SFXN5: variants seen among roughly 807,000 people sequenced by gnomAD.
SFXN5 encodes sideroflexin-5.
In SFXN5, 43 loss-of-function variants were observed where a neutral mutation model predicts 50.2. The ratio of observed to expected loss-of-function variants is 0.86; its 90% CI spans 0.67 to 1.11. The LOEUF (loss-of-function observed/expected upper bound fraction) is 1.11. Among genes scored for constraint, SFXN5 ranks in the 50% least tolerant of loss-of-function variants. SFXN5 has a pLI of 0.00. For synonymous variants in SFXN5, 203 were observed against 185.8 expected, an observed-to-expected ratio of 1.09 and a Z score of -0.75; for missense variants, 463 against 454.1, an observed-to-expected ratio of 1.02 and a Z score of -0.18.
At chr2:72,989,862 G>C (rs1032998673) in intron 9 of SFXN5, among the ~76,000 whole-genome samples, 11 of 152,242 alleles carry the variant, frequency 7.2e-5, no homozygotes, top group African/African-American at 2.7e-4. Context: ...GTCTTTTCTG[G>C]GAAGCGTGGG....
rs928824290 is a variant in SFXN5 at position 72,983,998 on chromosome 2, C to T, written c.625+4260G>A. Among the ~76,000 whole-genome samples the T allele has an allele frequency of 4.6e-5, 7 of 152,190 alleles. No individual in the cohort carries two copies. In the East Asian group the frequency reaches 7.7e-4, roughly 17 times the overall value. On this transcript the variant is annotated intron_variant, in intron 10 of 13. Transcript: ENST00000272433. ...TTAACTTCACCTGGCAGCAACCATA[C>T]GTCAATTAACGGAGGGCCCGCTCCG...
At chr2:72,970,638 T>C (rs945031439) in intron 11 of SFXN5, among the ~76,000 whole-genome samples, 32 of 150,780 alleles carry the variant, frequency 2.1e-4, no homozygotes, top group Non-Finnish European at 3.4e-4. Flanking sequence ...CTAACCACCA[T>C]CAGGACAAAG....
At chr2:73,031,730 G>A (rs1320267560) in intron 3 of SFXN5, among the ~76,000 whole-genome samples, 1 of 152,192 alleles carries the variant, frequency 6.6e-6, no homozygotes, top group Non-Finnish European at 1.5e-5. Flanking sequence ...TCCTAGTCAT[G>A]ATCTGATCTT....
chr2:73,017,944 C>G (rs549735472), intron 6 of SFXN5, among the ~76,000 whole-genome samples: 1 of 152,154 alleles, frequency 6.6e-6, no homozygotes, highest in South Asian at 2.1e-4. Flanking sequence ...GACAAATCTA[C>G]TGTAATCTCA....
At chr2:73,010,094 G>A (rs1675304852) in intron 6 of SFXN5, among the ~76,000 whole-genome samples, 1 of 152,116 alleles carries the variant, frequency 6.6e-6, no homozygotes, top group Admixed American at 6.5e-5. Context: ...AAGTGTTGAT[G>A]GAATATTTAT....
chr2:73,054,458 G>T (rs1327924329), intron 2 of SFXN5, among the ~76,000 whole-genome samples: 1 of 152,112 alleles, frequency 6.6e-6, no homozygotes. Context: ...CTTTCAAAAT[G>T]CAAGAGTTGA....
intron 6 of SFXN5, among the ~76,000 whole-genome samples, chr2:73,012,381 T>A (rs1675616807): frequency 6.6e-6 from 1 of 152,106 alleles, no homozygotes; most frequent in Admixed American, 6.6e-5. Flanking sequence ...AAAGAACATA[T>A]TCATGTATTA....
intron 6 of SFXN5, among the ~76,000 whole-genome samples, chr2:73,006,442 C>T (rs1187724682): frequency 2.0e-5 from 3 of 152,034 alleles, no homozygotes; most frequent in East Asian, 1.9e-4. Context: ...GCCAACGTGG[C>T]GAAACCCCAT....
chr2:72,967,132 C>T (rs1674511103), intron 12 of SFXN5: 1 of 152,208 alleles, frequency 6.6e-6, no homozygotes. Context: ...CCTTCCTCTC[C>T]TCAGCTGTAG....
At chr2:72,966,045 G>A (rs1674357520) in intron 12 of SFXN5, among the ~76,000 whole-genome samples, 1 of 152,150 alleles carries the variant, frequency 6.6e-6, no homozygotes, top group African/African-American at 2.4e-5. Flanking sequence ...GTAAGCTGAT[G>A]TCCCCCAGGG....
At chr2:72,968,775 C>CTCTT (rs1191420919) in intron 11 of SFXN5, among the ~76,000 whole-genome samples, 1 of 150,808 alleles carries the variant, frequency 6.6e-6, no homozygotes, top group Non-Finnish European at 1.5e-5. Context: ...TCTTTCCTCT[C>CTCTT]TCTTTCTTTC....
intron 12 of SFXN5, among the ~76,000 whole-genome samples, chr2:72,963,374 C>T (rs1253211854): frequency 6.6e-6 from 1 of 152,194 alleles, no homozygotes; most frequent in Admixed American, 6.5e-5. Flanking sequence ...ACCAAGGCTC[C>T]TCTCTCAGGG....
At chr2:73,030,325 G>A (rs542654946) in intron 3 of SFXN5, among the ~76,000 whole-genome samples, 51 of 151,978 alleles carry the variant, frequency 3.4e-4, no homozygotes, top group South Asian at 1.5e-3. Flanking sequence ...TTATTCTTCC[G>A]ACCAAAACCC....
At chr2:73,068,283 C>T (rs1683315139) in intron 1 of SFXN5, among the ~76,000 whole-genome samples, 1 of 152,222 alleles carries the variant, frequency 6.6e-6, no homozygotes, top group African/African-American at 2.4e-5. Flanking sequence ...TTGAAGCAGG[C>T]TTCTGTCAGG....
intron 1 of SFXN5, among the ~76,000 whole-genome samples, chr2:73,064,278 TGGGCCA>T (rs1683018944): frequency 6.6e-6 from 1 of 152,272 alleles, no homozygotes; most frequent in South Asian, 2.1e-4. Context: ...GCAGAAAGGC[TGGGCCA>T]GCCCAGTAGT....
At chr2:72,969,097 C>T (rs546272028) in intron 11 of SFXN5, among the ~76,000 whole-genome samples, 9 of 152,234 alleles carry the variant, frequency 5.9e-5, no homozygotes, top group South Asian at 2.1e-4. Flanking sequence ...TGTGAACCAC[C>T]GTGCCTGGCT....
chr2:72,990,356 C>CTG (rs1559127550), intron 9 of SFXN5, among the ~76,000 whole-genome samples: 1 of 152,160 alleles, frequency 6.6e-6, no homozygotes, highest in African/African-American at 2.4e-5. Context: ...TGGGGAGCTG[C>CTG]CGGCTCATAC....
chr2:73,059,752 A>G (rs1390881634), intron 1 of SFXN5: 1 of 979,836 alleles, frequency 1.0e-6, no homozygotes, highest in Admixed American at 6.2e-5. Context: ...TATAATCCAC[A>G]CAGCCCAGAC....
intron 6 of SFXN5, among the ~76,000 whole-genome samples, chr2:73,008,581 C>T (rs1005154699): frequency 6.6e-6 from 1 of 152,192 alleles, no homozygotes; most frequent in Non-Finnish European, 1.5e-5. Flanking sequence ...CTGCCTCTCC[C>T]AGGCCACGTG....
Sources: gnomAD v4.1 joint callset for allele counts (sites outside exome capture counted in the v4.1 genomes callset) on GRCh38, gnomAD v4.1.1 for gene constraint, MANE v1.5 for transcripts, NCBI Gene and HGNC (gene_info 2026-07-23, HGNC 2026-07-21) for gene names.